LRRC37A2: variants seen among roughly 807,000 people sequenced by gnomAD.
LRRC37A2 encodes the protein leucine rich repeat containing 37 member A2.
Under a neutral mutation model 68.8 loss-of-function variants are expected in LRRC37A2, and 9 were observed. The observed-to-expected ratio is 0.13, with a 90% CI of 0.08 to 0.23. LRRC37A2 has a LOEUF of 0.23. LRRC37A2 is among the 10% of genes least tolerant of loss of function. The probability of loss-of-function intolerance (pLI) is 1.00; values close to 1 mark genes in which losing one functional copy is unlikely to be tolerated. For missense variants in LRRC37A2, 168 were observed against 950.4 expected (o/e 0.18, Z 10.82); for synonymous variants, 63 against 367.6 (o/e 0.17, Z 9.48).
chr17:46,923,443 C>T, the LRRC37A2 span: 3 of 1,415,444 alleles, frequency 2.1e-6, no homozygotes, highest in East Asian at 2.6e-5. Flanking sequence ...GCAGATGACT[C>T]CTGGGGTCTG....
At chr17:46,929,651 C>G in the LRRC37A2 span, 3 of 820,780 alleles carry the variant, frequency 3.7e-6, no homozygotes, top group Non-Finnish European at 6.5e-6. Context: ...GCTGGGCTTC[C>G]TGACTGCACT....
the LRRC37A2 span, among the ~76,000 whole-genome samples, chr17:46,962,646 G>C: frequency 6.6e-6 from 1 of 152,194 alleles, no homozygotes; most frequent in Non-Finnish European, 1.5e-5. Flanking sequence ...AGAGGAAAGA[G>C]GTCCAGCCAT....
At chr17:46,804,338 C>T in the LRRC37A2 span, among the ~76,000 whole-genome samples, 2 of 152,164 alleles carry the variant, frequency 1.3e-5, no homozygotes, top group Admixed American at 6.5e-5. Context: ...CTGCCTGCCT[C>T]GGCCTCCCAA....
At chr17:46,897,661 T>G in the LRRC37A2 span, among the ~76,000 whole-genome samples, 2 of 152,248 alleles carry the variant, frequency 1.3e-5, no homozygotes, top group African/African-American at 4.8e-5. Flanking sequence ...TTTTATTTTT[T>G]ATTTTTGTAG....
At chr17:46,773,641 C>CCA in the LRRC37A2 span, 2 of 519,236 alleles carry the variant, frequency 3.9e-6, no homozygotes, top group Non-Finnish European at 6.2e-6. Flanking sequence ...CCCAGCCCCT[C>CCA]CCCCCCCCTC....
At chr17:46,931,166 G>A in the LRRC37A2 span, 5 of 1,609,042 alleles carry the variant, frequency 3.1e-6, no homozygotes, top group Non-Finnish European at 4.3e-6. Flanking sequence ...TGGAGATTTT[G>A]TCCAGCAAGG....
At chr17:46,957,466 A>T in the LRRC37A2 span, among the ~76,000 whole-genome samples, 5 of 152,098 alleles carry the variant, frequency 3.3e-5, no homozygotes, top group African/African-American at 1.2e-4. Flanking sequence ...TACAAAAACT[A>T]GCCAGGTGTG....
chr17:46,769,237 A>G, the LRRC37A2 span, among the ~76,000 whole-genome samples: 1 of 148,084 alleles, frequency 6.8e-6, no homozygotes, highest in Non-Finnish European at 1.5e-5. Flanking sequence ...AATTGCTTGA[A>G]CTCGGGAGGC....
the LRRC37A2 span, chr17:47,027,696 A>G: frequency 1.3e-6 from 1 of 766,130 alleles, no homozygotes; most frequent in Non-Finnish European, 2.2e-6. Context: ...CCTCTTTGCT[A>G]TTCTTGAAAT....
the LRRC37A2 span, among the ~76,000 whole-genome samples, chr17:46,951,446 G>A: frequency 3.9e-5 from 6 of 152,310 alleles, no homozygotes; most frequent in African/African-American, 7.2e-5. Context: ...GCCAGCCCAC[G>A]TCTCCAGATC....
chr17:46,990,401 T>A, the LRRC37A2 span, among the ~76,000 whole-genome samples: 1 of 152,228 alleles, frequency 6.6e-6, no homozygotes, highest in Non-Finnish European at 1.5e-5. Context: ...TTTGCCAATG[T>A]CCTTAAGTCA....
At chr17:46,771,186 A>G in the LRRC37A2 span, among the ~76,000 whole-genome samples, 1 of 152,076 alleles carries the variant, frequency 6.6e-6, no homozygotes, top group Admixed American at 6.5e-5. Flanking sequence ...ACTTCCAACG[A>G]CGGGAGGGCG....
the LRRC37A2 span, among the ~76,000 whole-genome samples, chr17:46,820,314 G>A: frequency 3.9e-5 from 6 of 152,274 alleles, no homozygotes; most frequent in African/African-American, 1.2e-4. Flanking sequence ...TTGCTGGACT[G>A]GAGGGGGTGG....
At chr17:46,500,544 T>C in the LRRC37A2 span, among the ~76,000 whole-genome samples, 2 of 150,324 alleles carry the variant, frequency 1.3e-5, no homozygotes, top group South Asian at 2.1e-4. Flanking sequence ...CGAGGCAGCT[T>C]TTCAAACTTT....
At chr17:46,883,069 C>T in the LRRC37A2 span, among the ~76,000 whole-genome samples, 2 of 152,042 alleles carry the variant, frequency 1.3e-5, no homozygotes, top group Non-Finnish European at 2.9e-5. Flanking sequence ...AGCTCCGCCT[C>T]CCAGGTTCAT....
the LRRC37A2 span, chr17:46,978,580 G>A: frequency 2.3e-5 from 35 of 1,516,960 alleles, no homozygotes; most frequent in Admixed American, 1.1e-4. Flanking sequence ...AGAGAGCGGG[G>A]CGAGGGTCCG....
the LRRC37A2 span, chr17:47,019,478 G>A: frequency 6.3e-7 from 1 of 1,589,244 alleles, no homozygotes; most frequent in Non-Finnish European, 8.6e-7. Flanking sequence ...CCACTACAGA[G>A]ATTGGACATT....
the LRRC37A2 span, among the ~76,000 whole-genome samples, chr17:46,974,700 C>G: frequency 1.3e-4 from 19 of 150,830 alleles, no homozygotes; most frequent in Non-Finnish European, 1.6e-4. Context: ...CACCACTGCA[C>G]TCCAGCCTGG....
the LRRC37A2 span, among the ~76,000 whole-genome samples, chr17:46,951,366 A>G: frequency 5.9e-5 from 9 of 152,010 alleles, no homozygotes; most frequent in Admixed American, 2.0e-4. Context: ...CAAGCTCCTT[A>G]CCCATCAATT....
Sources: gnomAD v4.1 joint callset for allele counts (sites outside exome capture counted in the v4.1 genomes callset) on GRCh38, gnomAD v4.1.1 for gene constraint, MANE v1.5 for transcripts, NCBI Gene and HGNC (gene_info 2026-07-23, HGNC 2026-07-21) for gene names.